USP47: variants seen among roughly 807,000 people sequenced by gnomAD.
The protein encoded by USP47 is ubiquitin specific peptidase 47.
USP47 carries 35 observed loss-of-function variants against 165.1 expected under a neutral mutation model. The ratio of observed to expected loss-of-function variants is 0.21; its 90% CI spans 0.16 to 0.28. The LOEUF (loss-of-function observed/expected upper bound fraction) is 0.28, where lower values mean the gene tolerates loss of function less well. USP47 is among the 10% of genes least tolerant of loss of function. The probability of loss-of-function intolerance (pLI) is 1.00; values close to 1 mark genes in which losing one functional copy is unlikely to be tolerated. For missense variants in USP47, 1,277 were observed against 1,607.4 expected (o/e 0.79, Z 3.52); for synonymous variants, 531 against 544.5 (o/e 0.98, Z 0.35).
In USP47 at chr11:11,948,471, C is replaced by T; in HGVS notation, c.3268-7C>T. 6.2e-7 allele frequency: 1 copy of T among 1,607,350 alleles called. No individual in the cohort carries two copies. Among genetic ancestry groups the T allele is most frequent in the South Asian group, 1.1e-5 (1 of 90,808 alleles). On this transcript the variant is annotated splice_polypyrimidine_tract_variant and splice_region_variant and intron_variant, in intron 21 of 27. Transcript: ENST00000527733. ...AGCATGTCTAAAAAAATGTTTTTAA[C>T]TTATAGATTACAATTAGACTGGGGA...
intron 8 of USP47, among the ~76,000 whole-genome samples, chr11:11,917,806 C>T (rs1246275077): frequency 1.3e-5 from 2 of 152,110 alleles, no homozygotes; most frequent in Non-Finnish European, 2.9e-5. Context: ...AGTAATTACA[C>T]AGTAGTGACT....
chr11:11,930,503 C>T (rs1206816463), intron 13 of USP47, among the ~76,000 whole-genome samples, 193 bp from the exon 14 acceptor site: 1 of 152,060 alleles, frequency 6.6e-6, no homozygotes, highest in African/African-American at 2.4e-5. Flanking sequence ...GATACGGAAT[C>T]TTCTCTAAAT....
At chr11:11,878,967 A>C (rs2134296193) in intron 1 of USP47, among the ~76,000 whole-genome samples, 2 of 152,286 alleles carry the variant, frequency 1.3e-5, no homozygotes, top group Middle Eastern at 6.8e-3. Context: ...GGAAGAAATA[A>C]ATTTTTGTGT....
chr11:11,927,087 T>C (rs200795625), intron 11 of USP47, among the ~76,000 whole-genome samples: 2 of 152,112 alleles, frequency 1.3e-5, no homozygotes, highest in East Asian at 3.9e-4. Context: ...GAATTCTAGG[T>C]TGGTGGTAAT....
intron 3 of USP47, among the ~76,000 whole-genome samples, chr11:11,889,304 A>G (rs550673772): frequency 2.0e-5 from 3 of 152,272 alleles, no homozygotes; most frequent in South Asian, 2.1e-4. Context: ...AGAAAACCCC[A>G]TCGTCTTATG....
At position 11,920,329 on chromosome 11, in the gene USP47, G is replaced by A. The variant is rs757297026; in HGVS notation, c.1066-13G>A. On this transcript the variant is annotated splice_polypyrimidine_tract_variant and intron_variant, in intron 9 of 27. Transcript: ENST00000527733. Reference sequence around the variant, plus strand: ...TCAATAGACTCTCCCCCTTTTTGTTGTTTGTTTTTTAGGGCCTTCGGTTTT... The same window carrying A: ...TCAATAGACTCTCCCCCTTTTTGTTATTTGTTTTTTAGGGCCTTCGGTTTT... 3 of 1,603,038 alleles carry A rather than the reference G, an allele frequency of 1.9e-6. No individual in the cohort carries two copies. The African/African-American group carries it at 4.1e-5, about 22-fold the overall frequency.
At chr11:11,933,260 A>G in intron 15 of USP47, 144 bp downstream of exon 15, 1 of 736,174 alleles carries the variant, frequency 1.4e-6, no homozygotes, top group Non-Finnish European at 2.2e-6. Context: ...TATACTATAA[A>G]GGTAAAATTT....
intron 1 of USP47, among the ~76,000 whole-genome samples, chr11:11,874,785 C>G (rs1287727185): frequency 6.6e-6 from 1 of 152,162 alleles, no homozygotes; most frequent in African/African-American, 2.4e-5. Flanking sequence ...TCTTGAACTC[C>G]TGACTTCAGG....
Position 11,842,243 on chromosome 11 carries a change from G to C in USP47, c.39+19G>C. ...GAAAGAGGTGAGGGGCCCCAGAGGA[G>C]GTTAGGCCTTAGGCCTGCGGCCGCT... On this transcript the variant is annotated intron_variant, in intron 1 of 27. Transcript: ENST00000527733. The C allele has an allele frequency of 6.4e-7, 1 of 1,551,828 alleles. No homozygotes were observed. The highest frequency in any genetic ancestry group is 8.7e-7 in the Non-Finnish European group (1 of 1,146,940).
intron 1 of USP47, among the ~76,000 whole-genome samples, chr11:11,861,610 TTTTA>T (rs1849391497): frequency 1.3e-5 from 2 of 152,096 alleles, no homozygotes; most frequent in African/African-American, 4.8e-5. Context: ...ATCAAAGGAG[TTTTA>T]TTTATTTTCT....
At chr11:11,861,388 A>C (rs1049767773) in intron 1 of USP47, among the ~76,000 whole-genome samples, 1 of 151,988 alleles carries the variant, frequency 6.6e-6, no homozygotes, top group Non-Finnish European at 1.5e-5. Context: ...GAGCTACCAC[A>C]CCCGGCCCCA....
rs72857625 is a variant in USP47, at chr11:11,922,718, A to G, written c.1219-6A>G. ...TTTATAACTAAGATAATTATGTCTT[A>G]TTAAGAAATCTCCTCAGACTGAAAG... On this transcript the variant is annotated splice_region_variant and splice_polypyrimidine_tract_variant and intron_variant, in intron 10 of 27. Transcript: ENST00000527733. The G allele has an allele frequency of 0.15, 247,326 of 1,604,310 alleles. 20,765 individuals are homozygous for G. Among genetic ancestry groups the G allele is most frequent in the Middle Eastern group, 0.35 (2,089 of 6,020 alleles).
chr11:11,944,322 C>T (rs1855679826), intron 20 of USP47, among the ~76,000 whole-genome samples: 1 of 151,716 alleles, frequency 6.6e-6, no homozygotes, highest in South Asian at 2.1e-4. Flanking sequence ...TCTGCTAAAA[C>T]AAAGTAGTAG....
At chr11:11,912,640 CA>C (rs1040007035) in intron 8 of USP47, among the ~76,000 whole-genome samples, 1 of 148,864 alleles carries the variant, frequency 6.7e-6, no homozygotes, top group African/African-American at 2.5e-5. Flanking sequence ...AATTTCTTTT[CA>C]AAAAAAAAGA....
intron 3 of USP47, among the ~76,000 whole-genome samples, chr11:11,886,338 C>G (rs1851161202): frequency 6.6e-6 from 1 of 152,104 alleles, no homozygotes; most frequent in Admixed American, 6.6e-5. Flanking sequence ...TGTAAAGAAG[C>G]TAAGAATCGT....
intron 1 of USP47, among the ~76,000 whole-genome samples, chr11:11,859,801 C>T (rs1470174298): frequency 1.3e-5 from 2 of 152,058 alleles, no homozygotes; most frequent in East Asian, 1.9e-4. Context: ...TTCTCCCCTT[C>T]GATAGAAAAA....
intron 14 of USP47, among the ~76,000 whole-genome samples, chr11:11,931,181 T>TA (rs34291270): frequency 6.6e-6 from 1 of 151,884 alleles, no homozygotes; most frequent in Non-Finnish European, 1.5e-5. Flanking sequence ...TTTTCATAAT[T>TA]AAAAAAAATA....
At chr11:11,926,630 AT>A (rs138684989) in intron 11 of USP47, among the ~76,000 whole-genome samples, 19,333 of 149,966 alleles carry the variant, frequency 0.13, 1,574 homozygotes, top group Middle Eastern at 0.38. Context: ...TCTTAGTTTC[AT>A]TTTTTTTTCC....
chr11:11,945,794 C>T (rs1855783738), intron 20 of USP47, among the ~76,000 whole-genome samples: 1 of 151,460 alleles, frequency 6.6e-6, no homozygotes, highest in Admixed American at 6.6e-5. Context: ...TTTAATTAGC[C>T]AGCGTGGTCA....
Sources: allele counts gnomAD v4.1 joint callset (sites outside exome capture counted in the v4.1 genomes callset), GRCh38; gene constraint gnomAD v4.1.1; transcripts MANE v1.5; gene names NCBI Gene and HGNC (gene_info 2026-07-23, HGNC 2026-07-21).